TENT2: variants seen among roughly 807,000 people sequenced by gnomAD.
The protein encoded by TENT2 is terminal nucleotidyltransferase 2.
In TENT2, 44 loss-of-function variants were observed where a neutral mutation model predicts 72.2. The ratio of observed to expected loss-of-function variants is 0.61; its 90% CI spans 0.48 to 0.78. The LOEUF is 0.78. Among genes scored for constraint, TENT2 ranks in the 30% least tolerant of loss-of-function variants. The probability of loss-of-function intolerance (pLI) is 0.00; values close to 1 mark genes in which losing one functional copy is unlikely to be tolerated. For synonymous variants in TENT2, 212 were observed against 192.5 expected (o/e 1.10, Z -0.84); for missense variants, 541 against 569.6 (o/e 0.95, Z 0.51).
chr5:79,616,306 C>G (rs1460874512), intron 1 of TENT2, among the ~76,000 whole-genome samples: 2 of 148,072 alleles, frequency 1.4e-5, no homozygotes, highest in Non-Finnish European at 3.0e-5. Context: ...ACAAGCGATT[C>G]TCCTGTCCCA....
chr5:79,634,706 A>C (rs1231786832), intron 4 of TENT2, among the ~76,000 whole-genome samples: 1 of 152,192 alleles, frequency 6.6e-6, no homozygotes, highest in African/African-American at 2.4e-5. Flanking sequence ...AAATAGACTA[A>C]TTAATTTTAT....
intron 3 of TENT2, 56 bp from the exon 4 acceptor site, chr5:79,623,196 T>C: frequency 7.8e-7 from 1 of 1,285,600 alleles, no homozygotes; most frequent in Admixed American, 2.4e-5. Context: ...AATTGCTTTT[T>C]ATTTGTTATC....
intron 10 of TENT2, among the ~76,000 whole-genome samples, chr5:79,653,254 G>A (rs373152304): frequency 2.0e-5 from 3 of 152,290 alleles, no homozygotes; most frequent in East Asian, 1.9e-4. Context: ...GGAGGCAGAG[G>A]TGGGAGGATT....
At chr5:79,668,827 T>C in intron 11 of TENT2, 65 bp from the exon 12 acceptor site, 1 of 1,499,096 alleles carries the variant, frequency 6.7e-7, no homozygotes, top group East Asian at 2.3e-5. Context: ...AGTTCAGGAT[T>C]TATAAAGTTT....
intron 11 of TENT2, among the ~76,000 whole-genome samples, chr5:79,660,809 A>G (rs1802282567): frequency 6.6e-6 from 1 of 152,100 alleles, no homozygotes; most frequent in South Asian, 2.1e-4. Context: ...AGGTCCTTCA[A>G]GAGGTATTCC....
At chr5:79,655,451 C>G (rs542622028) in intron 10 of TENT2, among the ~76,000 whole-genome samples, 2 of 151,876 alleles carry the variant, frequency 1.3e-5, no homozygotes, top group East Asian at 1.9e-4. Flanking sequence ...TTCTCTTCAT[C>G]CTTTGTTTTA....
At position 79,623,262 on chromosome 5, in the gene TENT2, G is replaced by C; in HGVS notation, c.238G>C (p.Asp80His). The change falls in exon 4 of 15, where the codon GAT (aspartate) becomes CAT (histidine). Residue 80 changes from aspartate (D) to histidine (H), a missense_variant. Physicochemically the swap from Asp to His is moderately conservative, Grantham distance 81. Transcript: ENST00000453514. ...PLFRGRKRLSDEKNLPLDGKR... is the reference protein window; with the variant it reads ...PLFRGRKRLSHEKNLPLDGKR... Reference sequence around the variant, plus strand: ...ATTGCTTGTTTTCAGGAGATTAAGCGATGAAAAAAACCTTCCTCTTGACGG... The same window carrying C: ...ATTGCTTGTTTTCAGGAGATTAAGCCATGAAAAAAACCTTCCTCTTGACGG... 6.2e-7 allele frequency: 1 copy of C among 1,609,702 alleles called. No individual in the cohort carries two copies. Among genetic ancestry groups the C allele is most frequent in the Non-Finnish European group, 8.5e-7 (1 of 1,177,984 alleles).
intron 12 of TENT2, 116 bp from the exon 13 acceptor site, chr5:79,679,463 C>A: frequency 3.9e-6 from 2 of 516,702 alleles, no homozygotes; most frequent in Non-Finnish European, 6.3e-6. Context: ...AGGGTTGGGG[C>A]ACAGGTTTCA....
At chr5:79,613,656 C>T (rs1316939426) in intron 1 of TENT2, among the ~76,000 whole-genome samples, 1 of 152,190 alleles carries the variant, frequency 6.6e-6, no homozygotes. Flanking sequence ...TGTCCTGTAA[C>T]AGGTTCCATG....
intron 10 of TENT2, among the ~76,000 whole-genome samples, chr5:79,652,383 C>A (rs572517469): frequency 2.6e-4 from 40 of 151,762 alleles, no homozygotes; most frequent in Admixed American, 8.5e-4. Flanking sequence ...AAGATAATAA[C>A]TGTGTATATA....
chr5:79,672,032 G>GGT lies in TENT2; in HGVS notation c.1208+3006_1208+3007dup, dbSNP rs1813307760. 2.0e-5 allele frequency among the ~76,000 whole-genome samples: 3 copies of GGT among 152,110 alleles called. No individual in the cohort carries two copies. The South Asian group carries it at 6.2e-4, about 32-fold the overall frequency. ...GCACAGGAATTGCTTGAACCAGGGA[G>GGT]GTGGGGGTTGCAGTGAGCTGAGATT... On this transcript the variant is annotated intron_variant, in intron 12 of 14. Transcript: ENST00000453514.
chr5:79,667,415 CAAGT>C (rs1809158544), intron 11 of TENT2, among the ~76,000 whole-genome samples: 4 of 152,224 alleles, frequency 2.6e-5, no homozygotes, highest in African/African-American at 7.2e-5. Flanking sequence ...TTATACCTAA[CAAGT>C]AAGAGTTAAA....
At chr5:79,662,726 G>A (rs62365229) in intron 11 of TENT2, among the ~76,000 whole-genome samples, 7,099 of 152,152 alleles carry the variant, frequency 0.047, 231 homozygotes, top group Non-Finnish European at 0.07. Flanking sequence ...GAGCACTGGC[G>A]GAGTAAATTT....
intron 11 of TENT2, among the ~76,000 whole-genome samples, chr5:79,667,064 A>G (rs1305293064): frequency 6.6e-6 from 1 of 152,198 alleles, no homozygotes; most frequent in Non-Finnish European, 1.5e-5. Context: ...GTCTCAGGTC[A>G]TTCAGCATTT....
chr5:79,661,361 T>G (rs1331030175), intron 11 of TENT2, among the ~76,000 whole-genome samples: 1 of 152,168 alleles, frequency 6.6e-6, no homozygotes, highest in Non-Finnish European at 1.5e-5. Context: ...ATGTTTTTAG[T>G]GTACCTTTTC....
intron 6 of TENT2, among the ~76,000 whole-genome samples, chr5:79,642,578 C>T (rs1785333593): frequency 6.6e-6 from 1 of 151,982 alleles, no homozygotes; most frequent in Admixed American, 6.6e-5. Flanking sequence ...ATGGCTATTT[C>T]AGAATTTCTT....
chr5:79,679,499 G>C (rs1027378973), intron 12 of TENT2, 80 bp from the exon 13 acceptor site: 1 of 936,804 alleles, frequency 1.1e-6, no homozygotes, highest in African/African-American at 1.7e-5. Context: ...ATTGGGGTAG[G>C]CCTTAGTATT....
chr5:79,657,669 T>C (rs1292788519), intron 11 of TENT2, among the ~76,000 whole-genome samples: 1 of 152,204 alleles, frequency 6.6e-6, no homozygotes, highest in African/African-American at 2.4e-5. Flanking sequence ...TTTCATGTAT[T>C]CTTTCTCCAG....
intron 4 of TENT2, among the ~76,000 whole-genome samples, chr5:79,633,844 A>G (rs1316590824): frequency 2.0e-5 from 3 of 151,040 alleles, no homozygotes; most frequent in African/African-American, 7.3e-5. Flanking sequence ...AGAGCTTTAT[A>G]TATTGGTACA....
Sources: allele counts gnomAD v4.1 joint callset (sites outside exome capture counted in the v4.1 genomes callset), GRCh38; gene constraint gnomAD v4.1.1; transcripts MANE v1.5; gene names NCBI Gene and HGNC (gene_info 2026-07-23, HGNC 2026-07-21).